The following OPCML variants were observed in gnomAD, a reference collection of about 807,000 sequenced individuals.
The protein encoded by OPCML is opioid-binding protein/cell adhesion molecule.
A neutral mutation model predicts 37.8 loss-of-function variants in OPCML; 13 were observed. That is an observed-to-expected ratio of 0.34 (90% CI 0.22 to 0.55). OPCML has a LOEUF of 0.55. OPCML is among the 20% of genes least tolerant of loss of function. The pLI, the probability that OPCML is intolerant of heterozygous loss-of-function variation, is 0.91. For missense variants in OPCML, 341 were observed against 435.6 expected (o/e 0.78, Z 1.93); for synonymous variants, 176 against 168.8 (o/e 1.04, Z -0.33).
At chr11:132,543,322 G>A (rs1412175249) in intron 3 of OPCML, among the ~76,000 whole-genome samples, 1 of 151,998 alleles carries the variant, frequency 6.6e-6, no homozygotes, top group South Asian at 2.1e-4. Flanking sequence ...GACCAGCCTG[G>A]GCAATGTAGC....
Position 132,453,706 on chromosome 11 carries a change from G to A in OPCML, c.506-16347C>T, listed in dbSNP as rs186588264. Among the ~76,000 whole-genome samples the A allele has an allele frequency of 5.9e-5, 9 of 152,306 alleles. No individual in the cohort carries two copies. In the East Asian group the frequency reaches 9.6e-4, roughly 16 times the overall value. The stretch of plus-strand genomic sequence containing the variant: ...GCAGATACTATTTAGCTGGTTGGGC[G>A]TGGGGCTGGTACAAAGAAACATAGC... On this transcript the variant is annotated intron_variant, in intron 4 of 7. Coordinates refer to ENST00000524381, the MANE Select transcript of OPCML (RefSeq NM_001012393.5).
chr11:133,517,568 A>C (rs540553934), intron 1 of OPCML, among the ~76,000 whole-genome samples: 3 of 152,242 alleles, frequency 2.0e-5, no homozygotes, highest in African/African-American at 7.2e-5. Context: ...TGGACTGTAC[A>C]GACAGAAACC....
In OPCML at chr11:132,657,302, C is replaced by A. The variant is rs201425009; in HGVS notation, c.164G>T (p.Arg55Leu). 2 of 1,614,148 alleles carry A rather than the reference C, an allele frequency of 1.2e-6. No homozygotes were observed. The highest frequency in any genetic ancestry group is 1.7e-5 in the Admixed American group (1 of 60,018). The change falls in exon 3 of 8, where the codon CGG (arginine) becomes CTG (leucine). Residue 55 changes from arginine to leucine, a missense_variant. Physicochemically the swap from Arg to Leu is moderately radical, Grantham distance 102. Transcript: ENST00000524381. ...GTTTAGCCAGGCCACCCGGGTTACC[C>A]GGTCATCTATGGTACACCTGCAGTG... The part of the protein sequence containing the change: ...SATLRCTIDD[R>L]VTRVAWLNRS...
chr11:133,210,682 AT>A (rs899981627), intron 1 of OPCML, among the ~76,000 whole-genome samples: 2 of 150,884 alleles, frequency 1.3e-5, no homozygotes, highest in African/African-American at 4.9e-5. Flanking sequence ...ATACATGGCT[AT>A]TTTTTTTTCT....
chr11:133,303,015 C>G (rs182141762), intron 1 of OPCML, among the ~76,000 whole-genome samples: 1 of 152,244 alleles, frequency 6.6e-6, no homozygotes, highest in East Asian at 1.9e-4. Flanking sequence ...TCTTCACGAA[C>G]TAATTGTGTT....
chr11:132,699,698 A>G (rs2135917622), intron 2 of OPCML, among the ~76,000 whole-genome samples: 1 of 152,186 alleles, frequency 6.6e-6, no homozygotes, highest in South Asian at 2.1e-4. Flanking sequence ...AATAAATCCC[A>G]CTTAAGTTAT....
At chr11:133,204,884 A>ATGTGTGTG (rs1555114209) in intron 1 of OPCML, among the ~76,000 whole-genome samples, 5 of 36,286 alleles carry the variant, frequency 1.4e-4, no homozygotes, top group African/African-American at 3.4e-4. Context: ...ATATATATAT[A>ATGTGTGTG]TATATATATA....
At chr11:132,739,749 G>A (rs1038148414) in intron 2 of OPCML, among the ~76,000 whole-genome samples, 2 of 152,140 alleles carry the variant, frequency 1.3e-5, no homozygotes, top group African/African-American at 4.8e-5. Context: ...CCTGAATGAT[G>A]TTATCTCTCA....
At chr11:133,385,286 C>G (rs1159181133) in intron 1 of OPCML, among the ~76,000 whole-genome samples, 3 of 152,182 alleles carry the variant, frequency 2.0e-5, no homozygotes, top group Non-Finnish European at 4.4e-5. Context: ...CTGAGAGACT[C>G]TGACCCGAAA....
chr11:132,760,222 G>T (rs1210643439), intron 2 of OPCML, among the ~76,000 whole-genome samples: 1 of 152,158 alleles, frequency 6.6e-6, no homozygotes, highest in African/African-American at 2.4e-5. Context: ...TTCCAATTAT[G>T]AGGTGAATTT....
At chr11:132,493,212 G>A (rs564194911) in intron 4 of OPCML, among the ~76,000 whole-genome samples, 9 of 152,166 alleles carry the variant, frequency 5.9e-5, no homozygotes, top group Non-Finnish European at 1.3e-4. Context: ...GTAGAACTAC[G>A]GTAGTGGTGG....
At chr11:133,021,287 G>C (rs1947445347) in intron 1 of OPCML, among the ~76,000 whole-genome samples, 1 of 152,154 alleles carries the variant, frequency 6.6e-6, no homozygotes, top group Admixed American at 6.5e-5. Context: ...CATTTTCTTA[G>C]AAATAACTCC....
At chr11:132,686,771 T>C (rs992120165) in intron 2 of OPCML, among the ~76,000 whole-genome samples, 1 of 152,226 alleles carries the variant, frequency 6.6e-6, no homozygotes, top group East Asian at 1.9e-4. Context: ...TTCTCCCACA[T>C]TGATGTTTCG....
chr11:133,240,205 C>A (rs1160894206), intron 1 of OPCML, among the ~76,000 whole-genome samples: 1 of 96,348 alleles, frequency 1.0e-5, no homozygotes, highest in African/African-American at 4.2e-5. Flanking sequence ...TACTCCCACA[C>A]TTGGGGCAAA....
chr11:132,423,459 G>A (rs144701805), intron 7 of OPCML, among the ~76,000 whole-genome samples: 4 of 152,304 alleles, frequency 2.6e-5, no homozygotes, highest in East Asian at 1.9e-4. Context: ...ATGCCAATGC[G>A]GTGAGGGCTC....
chr11:133,329,303 T>C (rs1442945093), intron 1 of OPCML, among the ~76,000 whole-genome samples: 2 of 152,108 alleles, frequency 1.3e-5, no homozygotes, highest in Non-Finnish European at 2.9e-5. Context: ...AAGCTACCAA[T>C]GACTATCTTC....
chr11:132,704,941 A>G (rs199683893), intron 2 of OPCML, among the ~76,000 whole-genome samples: 12 of 152,232 alleles, frequency 7.9e-5, no homozygotes, highest in African/African-American at 2.7e-4. Context: ...TGTTTAACCA[A>G]TGGAGGTTGG....
At chr11:132,546,547 T>G (rs2096369080) in intron 3 of OPCML, among the ~76,000 whole-genome samples, 2 of 152,212 alleles carry the variant, frequency 1.3e-5, no homozygotes, top group African/African-American at 4.8e-5. Context: ...TCCTTTTTAG[T>G]AAATCATCTT....
intron 4 of OPCML, among the ~76,000 whole-genome samples, chr11:132,499,732 T>C (rs2096241639): frequency 6.6e-6 from 1 of 152,148 alleles, no homozygotes; most frequent in Admixed American, 6.5e-5. Flanking sequence ...TGTCATAGAG[T>C]TGTCCTGAGG....
Sources: allele counts gnomAD v4.1 joint callset (sites outside exome capture counted in the v4.1 genomes callset), GRCh38; gene constraint gnomAD v4.1.1; transcripts MANE v1.5; gene names NCBI Gene and HGNC (gene_info 2026-07-23, HGNC 2026-07-21).